Variants in CNTROB observed in about 807,000 individuals in gnomAD.
CNTROB encodes the protein centrobin, centriole duplication and spindle assembly protein.
In CNTROB, 82 loss-of-function variants were observed where a neutral mutation model predicts 115.7. The ratio of observed to expected loss-of-function variants is 0.71; its 90% confidence interval spans 0.59 to 0.85. The LOEUF is 0.85. Ranked by LOEUF, CNTROB falls within the 40% of genes least tolerant of loss-of-function variation. The probability of loss-of-function intolerance (pLI) is 0.00; values close to 1 mark genes in which losing one functional copy is unlikely to be tolerated. For synonymous variants in CNTROB, 439 were observed against 456.4 expected, an observed-to-expected ratio of 0.96 and a Z score of 0.49; for missense variants, 1,014 against 1,144.4, an observed-to-expected ratio of 0.89 and a Z score of 1.64.
Position 7,942,171 on chromosome 17 carries a change from G to A in CNTROB, c.1312-1220G>A, listed in dbSNP as rs145454115. Among the ~76,000 whole-genome samples the A allele has an allele frequency of 5.5e-3, 835 of 152,248 alleles. 10 individuals carry two copies. The highest frequency in any genetic ancestry group is 0.02 in the Middle Eastern group (6 of 294). The stretch of plus-strand genomic sequence containing the variant: ...AGTCCCAGCTACTCTGGAGGCTGAG[G>A]TGGGAGGATCTCTTGAGTCTGGGAG... On this transcript the variant is annotated intron_variant, in intron 9 of 18. Transcript: ENST00000563694.
chr17:7,944,699 A>G lies in CNTROB; in HGVS notation c.1734+61A>G, dbSNP rs1221174377. On this transcript the variant is annotated intron_variant, in intron 12 of 18. Transcript: ENST00000563694. This position sits in a 1 kb window ranked among gnomAD's most constrained non-coding sequence, Gnocchi z 4.0. ...TGTTCTATTTTTATTTTTATTTTTG[A>G]GACAGGGTCTCACTCTTGCCCAGGC... The G allele has an allele frequency of 2.1e-5, 33 of 1,540,416 alleles. No homozygotes were observed. Among genetic ancestry groups the G allele is most frequent in the Non-Finnish European group, 2.8e-5 (32 of 1,141,124 alleles).
chr17:7,933,017 G>A lies in CNTROB; in HGVS notation c.-63G>A, dbSNP rs1972686466. ...TCTTTCTCCGTGAACTTTTCCTCCTGGACTTTGCTAAAGCAGAACCTCCCA... is the reference window on the plus strand; with the variant it reads ...TCTTTCTCCGTGAACTTTTCCTCCTAGACTTTGCTAAAGCAGAACCTCCCA... On this transcript the variant is annotated 5_prime_UTR_variant, in exon 1 of 19. Coordinates refer to ENST00000563694, the MANE Select transcript of CNTROB (RefSeq NM_053051.5). 6.4e-7 allele frequency: 1 copy of A among 1,551,776 alleles called. No individual in the cohort carries two copies. Among genetic ancestry groups the A allele is most frequent in the Admixed American group, 1.9e-5 (1 of 52,648 alleles).
In CNTROB at chr17:7,947,587, A is replaced by G. The variant is rs758053580; in HGVS notation, c.2010A>G (p.Ala670=). 7.3e-5 allele frequency: 118 copies of G among 1,609,654 alleles called. No individual in the cohort carries two copies. The highest frequency in any genetic ancestry group is 9.9e-5 in the Non-Finnish European group (117 of 1,176,908). Residue 670 remains alanine (A), a synonymous_variant, in exon 14 of 19, where the codon GCA becomes GCG. Coordinates refer to ENST00000563694, the MANE Select transcript of CNTROB (RefSeq NM_053051.5). ...LTSSTAGAFS[A]LGAFHPDHRA... is the part of the protein sequence containing the mutation. ...ACTTTATAGCTGGGGCCTTCTCTGC[A>G]CTTGGGGCCTTCCATCCCGATCATA...
Position 7,939,722 on chromosome 17 carries a change from G to A in CNTROB, c.1137G>A (p.Glu379=). 13 of 1,614,132 alleles carry A rather than the reference G, an allele frequency of 8.1e-6. No individual in the cohort carries two copies. Among genetic ancestry groups the A allele is most frequent in the Non-Finnish European group, 1.1e-5 (13 of 1,180,036 alleles). ...AACACTACCAGGCGCTGCAGGAGGA[G>A]AGCCAGGCTCAGCTGGAAAGGGAGA... ...LKEHYQALQE[E]SQAQLEREKE... is the part of the protein sequence containing the mutation. Residue 379 remains glutamate (E), a synonymous_variant, in exon 8 of 19, where the codon GAG becomes GAA. Coordinates refer to ENST00000563694, the MANE Select transcript of CNTROB (RefSeq NM_053051.5). This position sits in a 1 kb window ranked among gnomAD's most constrained non-coding sequence, Gnocchi z 4.4.
At chr17:7,946,154 T>C (rs1223050760) in intron 13 of CNTROB, among the ~76,000 whole-genome samples, 168 bp downstream of exon 13, 1 of 152,224 alleles carries the variant, frequency 6.6e-6, no homozygotes, top group African/African-American at 2.4e-5. Context: ...AATAAAGGGA[T>C]TGAGATCTCA....
In CNTROB at chr17:7,944,230, C is replaced by T. The variant is rs142749347; in HGVS notation, c.1553C>T (p.Ala518Val). 2 of 1,613,960 alleles carry T rather than the reference C, an allele frequency of 1.2e-6. No homozygotes were observed. Among genetic ancestry groups the T allele is most frequent in the African/African-American group, 1.3e-5 (1 of 75,048 alleles). ...CGAGAGGAACGGCAACAGCAGGTGG[C>T]TGAGGACTACGAGCTCAGGTCCTGG... ...AEREERQQQV[A>V]EDYELRLARE... Residue 518 changes from alanine (A) to valine (V), a missense_variant, in exon 11 of 19, where the codon GCT becomes GTT. Physicochemically the swap from Ala to Val is moderately conservative, Grantham distance 64 (BLOSUM62 0). Coordinates refer to ENST00000563694, the MANE Select transcript of CNTROB (RefSeq NM_053051.5). The surrounding 1 kb of genome is among the most constrained non-coding windows in gnomAD (Gnocchi z 4.0).
Position 7,948,954 on chromosome 17 carries a change from A to C in CNTROB, c.2514-131A>C. On this transcript the variant is annotated intron_variant, in intron 17 of 18. Coordinates refer to ENST00000563694, the MANE Select transcript of CNTROB (RefSeq NM_053051.5). This position sits in a 1 kb window ranked among gnomAD's most constrained non-coding sequence, Gnocchi z 4.4. ...TTTACTTCCACTAATGTCTCCTCCC[A>C]GTTGATGCCCAGGTCTATCGAGTTT... 6.4e-7 allele frequency: 1 copy of C among 1,567,472 alleles called. No individual in the cohort carries two copies. The highest frequency in any genetic ancestry group is 8.7e-7 in the Non-Finnish European group (1 of 1,155,336).
At position 7,933,182 on chromosome 17, in the gene CNTROB, A is replaced by T; in HGVS notation, c.103A>T (p.Thr35Ser). Reference sequence around the variant, plus strand: ...GCTCAACCAAGTGTCGTCTGAAGTGACCTCCCAGCTCTATGCTTCTTTGCG... The same window carrying T: ...GCTCAACCAAGTGTCGTCTGAAGTGTCCTCCCAGCTCTATGCTTCTTTGCG... ...PGLNQVSSEV[T>S]SQLYASLRLS... The change falls in exon 1 of 19, where the codon ACC (threonine) becomes TCC (serine). Residue 35 changes from threonine (T) to serine (S), a missense_variant. Thr to Ser is a moderately conservative substitution (Grantham distance 58). Transcript: ENST00000563694. 1.2e-6 allele frequency: 2 copies of T among 1,612,874 alleles called. No homozygotes were observed. Among genetic ancestry groups the T allele is most frequent in the Non-Finnish European group, 1.7e-6 (2 of 1,179,774 alleles).
At position 7,936,953 on chromosome 17, in the gene CNTROB, C is replaced by T. The variant is rs968217923; in HGVS notation, c.828+136C>T. 4.0e-6 allele frequency: 3 copies of T among 748,850 alleles called. No individual in the cohort carries two copies. The African/African-American group carries it at 5.2e-5, about 13-fold the overall frequency. The allele number at this position is 748,850 out of a possible 1,614,324, so 46.4% of individuals were successfully genotyped here. The stretch of plus-strand genomic sequence containing the variant: ...TAGTGGCTGTCCTGACATTTCTTCT[C>T]ATCCCTCCTTTCTTCTCCTTTAACC... On this transcript the variant is annotated intron_variant, in intron 6 of 18. Transcript: ENST00000563694.
rs1973645898 is a variant in CNTROB at position 7,939,887 on chromosome 17, G to A, written c.1164+138G>A. The A allele has an allele frequency of 9.4e-7, 1 of 1,064,870 alleles. No individual in the cohort carries two copies. The highest frequency in any genetic ancestry group is 2.1e-5 in the Admixed American group (1 of 46,712). The allele number at this position is 1,064,870 out of a possible 1,614,324, so 66.0% of individuals were successfully genotyped here. A position where few individuals can be genotyped will look rare whatever the true frequency, so the allele number is the denominator to read the frequency against. The stretch of plus-strand genomic sequence containing the variant: ...TAGAGAGCCATGTGTGGGAGACAAG[G>A]TTGAGAGTATAGGGCCAGCAGGAAG... On this transcript the variant is annotated intron_variant, in intron 8 of 18. Transcript: ENST00000563694. The surrounding 1 kb of genome is among the most constrained non-coding windows in gnomAD (Gnocchi z 4.4).
Position 7,947,568 on chromosome 17 carries a change from TAG to T in CNTROB, c.1994-2_1994-1del. On this transcript the variant is annotated splice_acceptor_variant, in intron 13 of 18. Coordinates refer to ENST00000563694, the MANE Select transcript of CNTROB (RefSeq NM_053051.5). LOFTEE classifies it high-confidence loss of function. ...ACCCACCCATACCTGTTTCACTTTA[TAG>T]CTGGGGCCTTCTCTGCACTTGGGGC... 1 of 1,599,204 alleles carries T rather than the reference TAG, an allele frequency of 6.3e-7. No homozygotes were observed. Among genetic ancestry groups the T allele is most frequent in the Non-Finnish European group, 8.5e-7 (1 of 1,169,938 alleles).
chr17:7,933,979 TGTA>T (rs1166963759), intron 1 of CNTROB, among the ~76,000 whole-genome samples, 156 bp from the exon 2 acceptor site: 1 of 152,236 alleles, frequency 6.6e-6, no homozygotes, highest in African/African-American at 2.4e-5. Context: ...TTCTGGCTTC[TGTA>T]GTATTTGAAT....
intron 9 of CNTROB, among the ~76,000 whole-genome samples, chr17:7,941,344 A>G (rs1973838875): frequency 6.6e-6 from 1 of 152,202 alleles, no homozygotes; most frequent in Admixed American, 6.5e-5. Context: ...TCATGCCTGT[A>G]ATCCCAGCAC....
chr17:7,934,573 C>T, intron 3 of CNTROB, 27 bp downstream of exon 3: 1 of 1,584,220 alleles, frequency 6.3e-7, no homozygotes, highest in Non-Finnish European at 8.7e-7. Context: ...GTTCTCCTAG[C>T]TTGTTTGCTT....
At position 7,946,387 on chromosome 17, in the gene CNTROB, A is replaced by C. The variant is rs76512268; in HGVS notation, c.1993+401A>C. Among the ~76,000 whole-genome samples, 19 of 152,212 alleles carry C rather than the reference A, an allele frequency of 1.2e-4. No homozygotes were observed. The East Asian group carries it at 3.7e-3, about 29-fold the overall frequency. On this transcript the variant is annotated intron_variant, in intron 13 of 18. Coordinates refer to ENST00000563694, the MANE Select transcript of CNTROB (RefSeq NM_053051.5). ...TTTGACCAGCTGTGATACTGACTCT[A>C]GCTGAGCCTCTAGACATTTATAGAG...
At position 7,949,133 on chromosome 17, in the gene CNTROB, C is replaced by T. The variant is rs2151786777; in HGVS notation, c.2562C>T (p.Arg854=). The change falls in exon 18 of 19, where the codon CGC becomes CGT. Residue 854 remains arginine (R), a synonymous_variant. Transcript: ENST00000563694. ...DNVPRRNTDS[R]LGEIPRKEIP... is the part of the protein sequence containing the mutation. ...TCCCCAGAAGGAACACAGACTCCCG[C>T]TTGGGTGAGATCCCCCGGAAAGAGG... 1 of 1,614,112 alleles carries T rather than the reference C, an allele frequency of 6.2e-7. No individual in the cohort carries two copies. The highest frequency in any genetic ancestry group is 1.3e-5 in the African/African-American group (1 of 75,020).
rs1315411147 is a variant in CNTROB, at chr17:7,949,459, T to C, written c.2661T>C (p.Ser887=). 1.8e-5 allele frequency: 29 copies of C among 1,614,140 alleles called. No homozygotes were observed. Among genetic ancestry groups the C allele is most frequent in the Non-Finnish European group, 2.5e-5 (29 of 1,180,028 alleles). Residue 887 remains serine, a synonymous_variant, in exon 19 of 19, where the codon AGT becomes AGC. Transcript: ENST00000563694. ...AAAAACCTCCCGCACGGAAGAAAAGTGGGCACCCTGCCCCGAGTAGCATGA... is the reference window on the plus strand; with the variant it reads ...AAAAACCTCCCGCACGGAAGAAAAGCGGGCACCCTGCCCCGAGTAGCATGA... ...KTEKPPARKK[S]GHPAPSSMRS... is the part of the protein sequence containing the mutation.
chr17:7,941,500 G>A (rs1011498748), intron 9 of CNTROB, among the ~76,000 whole-genome samples: 4 of 151,194 alleles, frequency 2.6e-5, no homozygotes, highest in Admixed American at 6.6e-5. Context: ...TAAGAAGGCC[G>A]AGGCAGGAGA....
At chr17:7,947,542 C>T (rs756330117) in intron 13 of CNTROB, 29 bp from the exon 14 acceptor site, 1 of 1,573,100 alleles carries the variant, frequency 6.4e-7, no homozygotes, top group Admixed American at 1.8e-5. Context: ...AACACACTTG[C>T]ACCCACCCAT....
Sources: gnomAD v4.1 joint callset for allele counts (sites outside exome capture counted in the v4.1 genomes callset) on GRCh38, gnomAD v4.1.1 for gene constraint, Gnocchi (gnomAD v3.1) non-coding constraint, MANE v1.5 for transcripts, NCBI Gene and HGNC (gene_info 2026-07-23, HGNC 2026-07-21) for gene names.